Variants in KIF13A observed in about 807,000 individuals in gnomAD.
KIF13A encodes kinesin family member 13A, also known as kinesin-like protein KIF13A.
In KIF13A, 79 loss-of-function variants were observed where a neutral mutation model predicts 212.2. The ratio of observed to expected loss-of-function variants is 0.37; its 90% confidence interval spans 0.31 to 0.45. The LOEUF (loss-of-function observed/expected upper bound fraction) is 0.45. Among genes scored for constraint, KIF13A ranks in the 20% least tolerant of loss-of-function variants. KIF13A has a pLI of 1.00. For missense variants in KIF13A, 1,901 were observed against 2,209.0 expected (o/e 0.86, Z 2.79); for synonymous variants, 789 against 808.6 (o/e 0.98, Z 0.41).
At chr6:17,889,376 C>A (rs932606701) in intron 3 of KIF13A, among the ~76,000 whole-genome samples, 1 of 152,134 alleles carries the variant, frequency 6.6e-6, no homozygotes, top group Non-Finnish European at 1.5e-5. Flanking sequence ...AGTAACCTAA[C>A]TCATAAATAA....
chr6:17,825,775 A>C lies in KIF13A; in HGVS notation c.1779T>G (p.Asn593Lys). 1 of 1,613,546 alleles carries C rather than the reference A, an allele frequency of 6.2e-7. No individual in the cohort carries two copies. The highest frequency in any genetic ancestry group is 8.5e-7 in the Non-Finnish European group (1 of 1,179,728). Residue 593 changes from asparagine (N) to lysine (K), a missense_variant, in exon 16 of 39, where the codon AAT becomes AAG. By Grantham distance (94) the Asn-to-Lys change is moderately conservative. Around this residue, in one of 5 missense-constraint regions of KIF13A, gnomAD observed 534 missense variants for 536.9 expected, o/e 0.99. Transcript: ENST00000259711. The surrounding 1 kb of genome is among the most constrained non-coding windows in gnomAD (Gnocchi z 4.5). Reference sequence around the variant, plus strand: ...ACAGAGTGAGGGTCTTACCATTACTATTCAGGGTTTTCATGATAACTTCCA... The same window carrying C: ...ACAGAGTGAGGGTCTTACCATTACTCTTCAGGGTTTTCATGATAACTTCCA... The part of the protein sequence containing the change: ...AQMEVIMKTL[N>K]SNDPVQNVVQ...
downstream of KIF13A, among the ~76,000 whole-genome samples, chr6:17,761,102 A>C (rs371361907): frequency 1.3e-5 from 2 of 152,316 alleles, no homozygotes; most frequent in East Asian, 3.9e-4. Context: ...CAAAGTAAAA[A>C]TTAAGGAAAA....
intron 2 of KIF13A, among the ~76,000 whole-genome samples, chr6:17,931,923 T>C (rs1776017790): frequency 6.6e-6 from 1 of 152,184 alleles, no homozygotes; most frequent in African/African-American, 2.4e-5. Flanking sequence ...TAAATTTTCC[T>C]TCTAGATTTG....
chr6:17,836,465 G>T (rs1765960088), intron 11 of KIF13A, among the ~76,000 whole-genome samples: 1 of 152,182 alleles, frequency 6.6e-6, no homozygotes, highest in Non-Finnish European at 1.5e-5. Flanking sequence ...ACAGAGTATG[G>T]TATTACTCAT....
intron 2 of KIF13A, among the ~76,000 whole-genome samples, chr6:17,958,876 C>CTTTTTTTTTTTT (rs398000716): frequency 1.1e-3 from 89 of 83,056 alleles, no homozygotes; most frequent in Admixed American, 1.5e-3. Context: ...TTTTCTTTTT[C>CTTTTTTTTTTTT]TTTTTTTTTT....
At chr6:17,847,212 A>C (rs1010561706) in intron 9 of KIF13A, among the ~76,000 whole-genome samples, 1 of 152,194 alleles carries the variant, frequency 6.6e-6, no homozygotes, top group Admixed American at 6.5e-5. Context: ...AGCACTTGCA[A>C]ATGAATCTCC....
At position 17,849,229 on chromosome 6, in the gene KIF13A, C is replaced by T; in HGVS notation, c.830+148G>A. ...AAAACCTCATACATCTTAACAGACA[C>T]AGGTTGTTGTTGTTTTTCTTCAGCC... On this transcript the variant is annotated intron_variant, in intron 9 of 38. Transcript: ENST00000259711. This position sits in a 1 kb window ranked among gnomAD's most constrained non-coding sequence, Gnocchi z 5.7. 3.4e-6 allele frequency: 2 copies of T among 583,776 alleles called. No homozygotes were observed. The highest frequency in any genetic ancestry group is 4.4e-5 in the South Asian group (2 of 45,062). 36.2% of individuals were successfully genotyped at this position (583,776 alleles called of 1,614,324 possible). A position where few individuals can be genotyped will look rare whatever the true frequency, so the allele number is the denominator to read the frequency against.
At chr6:17,953,219 G>A (rs1328535246) in intron 2 of KIF13A, among the ~76,000 whole-genome samples, 3 of 152,080 alleles carry the variant, frequency 2.0e-5, no homozygotes, top group African/African-American at 7.2e-5. Flanking sequence ...AGTTAAAAAA[G>A]CAGGTTAGAG....
At chr6:17,940,823 T>TTA (rs1554119575) in intron 2 of KIF13A, among the ~76,000 whole-genome samples, 3 of 148,904 alleles carry the variant, frequency 2.0e-5, no homozygotes, top group African/African-American at 7.6e-5. Flanking sequence ...ATTTATTTTT[T>TTA]TTTTTTTTTT....
intron 19 of KIF13A, 82 bp from the exon 20 acceptor site, chr6:17,804,592 GA>G (rs1041236376): frequency 6.2e-5 from 79 of 1,264,208 alleles, no homozygotes; most frequent in Non-Finnish European, 7.3e-5. Flanking sequence ...ACTAGCATTT[GA>G]AAAAAAATTT....
chr6:17,801,086 T>C (rs2150333597), intron 20 of KIF13A, among the ~76,000 whole-genome samples: 1 of 152,210 alleles, frequency 6.6e-6, no homozygotes, highest in Non-Finnish European at 1.5e-5. Flanking sequence ...GAATATGAAA[T>C]GCTTCATTCA....
In KIF13A at chr6:17,975,101, T is replaced by C. The variant is rs534417499; in HGVS notation, c.146+11953A>G. 3.3e-5 allele frequency among the ~76,000 whole-genome samples: 5 copies of C among 152,230 alleles called. No individual in the cohort carries two copies. The East Asian group carries it at 9.7e-4, about 29-fold the overall frequency. ...GTTCACACCTGTAATCCCAGAACTT[T>C]GAGAGAAAGAGGAGGGCAGATCATT... On this transcript the variant is annotated intron_variant, in intron 2 of 38. Coordinates refer to ENST00000259711, the MANE Select transcript of KIF13A (RefSeq NM_022113.6).
In KIF13A at chr6:17,777,395, T is replaced by TC. The variant is rs758281757; in HGVS notation, c.4093-42_4093-41insG. 2 of 1,494,744 alleles carry TC rather than the reference T, an allele frequency of 1.3e-6. No individual in the cohort carries two copies. The highest frequency in any genetic ancestry group is 1.4e-5 in the African/African-American group (1 of 72,030). The allele number at this position is 1,494,744 out of a possible 1,614,324, so 92.6% of individuals were successfully genotyped here. ...TTTGAAAATAACACTTTTTTTTTTT[T>TC]TCCCCAGAGACAGAGTCTCACTCTG... On this transcript the variant is annotated intron_variant, in intron 33 of 38. Transcript: ENST00000259711. The surrounding 1 kb of genome is among the most constrained non-coding windows in gnomAD (Gnocchi z 4.4).
At chr6:17,950,297 G>A (rs1211303812) in intron 2 of KIF13A, 1 of 531,642 alleles carries the variant, frequency 1.9e-6, no homozygotes, top group Non-Finnish European at 2.4e-6. Flanking sequence ...CTGAGAACAA[G>A]CTGATTCAGT....
chr6:17,851,965 G>T lies in KIF13A; in HGVS notation c.572C>A (p.Thr191Asn). ...AAAAAAATGACTTACCTCAAAACTA[G>T]TGACAGCTAGTTGAGATAAACCATC... ...YVDGLSQLAVTSFEDIESLMS... is the reference protein window; with the variant it reads ...YVDGLSQLAVNSFEDIESLMS... The change falls in exon 7 of 39, where the codon ACT becomes AAT. Residue 191 changes from threonine to asparagine, a missense_variant. Transcript: ENST00000259711. The T allele has an allele frequency of 6.6e-7, 1 of 1,512,342 alleles. No homozygotes were observed. Among genetic ancestry groups the T allele is most frequent in the Non-Finnish European group, 8.8e-7 (1 of 1,132,806 alleles). The allele number at this position is 1,512,342 out of a possible 1,614,324, so 93.7% of individuals were successfully genotyped here. A position where few individuals can be genotyped will look rare whatever the true frequency, so the allele number is the denominator to read the frequency against.
downstream of KIF13A, chr6:17,759,572 C>T (rs1471204803): frequency 6.6e-6 from 1 of 152,176 alleles, no homozygotes; most frequent in African/African-American, 2.4e-5. Flanking sequence ...ATACAGGCAT[C>T]TACAGAATAG....
At position 17,773,272 on chromosome 6, in the gene KIF13A, A is replaced by T. The variant is rs1759651197; in HGVS notation, c.4324+206T>A. Among the ~76,000 whole-genome samples, 2 of 152,236 alleles carry T rather than the reference A, an allele frequency of 1.3e-5. No individual in the cohort carries two copies. Among genetic ancestry groups the T allele is most frequent in the Non-Finnish European group, 2.9e-5 (2 of 68,042 alleles). On this transcript the variant is annotated intron_variant, in intron 36 of 38. Transcript: ENST00000259711. The surrounding 1 kb of genome is among the most constrained non-coding windows in gnomAD (Gnocchi z 4.2). ...TAAAGTAATACACAAAAAGTCTATG[A>T]TTATTTGGGTGATATGTTGGATACA...
chr6:17,791,179 T>A (rs1428087896), intron 25 of KIF13A, among the ~76,000 whole-genome samples: 2 of 151,872 alleles, frequency 1.3e-5, no homozygotes, highest in Non-Finnish European at 2.9e-5. Flanking sequence ...GTAATCCTAA[T>A]CCTGAAGTAA....
Position 17,947,643 on chromosome 6 carries a change from C to A in KIF13A, c.146+39411G>T, listed in dbSNP as rs974024109. ...CAGGAGTTTGAGACCAGCCGACCAGCCTGGGCAACACGGTGAAACCCTATC... is the reference window on the plus strand; with the variant it reads ...CAGGAGTTTGAGACCAGCCGACCAGACTGGGCAACACGGTGAAACCCTATC... On this transcript the variant is annotated intron_variant, in intron 2 of 38. Transcript: ENST00000259711. The surrounding 1 kb of genome is among the most constrained non-coding windows in gnomAD (Gnocchi z 4.6). Among the ~76,000 whole-genome samples, 1 of 152,016 alleles carries A rather than the reference C, an allele frequency of 6.6e-6. No individual in the cohort carries two copies. The highest frequency in any genetic ancestry group is 1.5e-5 in the Non-Finnish European group (1 of 68,012).
Sources: gnomAD v4.1 joint callset for allele counts (sites outside exome capture counted in the v4.1 genomes callset) on GRCh38, gnomAD v4.1.1 for gene constraint, gnomAD v4.1.1 regional missense constraint, Gnocchi (gnomAD v3.1) non-coding constraint, MANE v1.5 for transcripts, NCBI Gene and HGNC (gene_info 2026-07-23, HGNC 2026-07-21) for gene names.